IGSF9B: variants seen among roughly 807,000 people sequenced by gnomAD.
IGSF9B encodes the protein protein turtle homolog B.
Under a neutral mutation model 143.7 loss-of-function variants are expected in IGSF9B, and 48 were observed. That is an observed-to-expected ratio of 0.33 (90% CI 0.26 to 0.42). IGSF9B has a LOEUF of 0.42. Among genes scored for constraint, IGSF9B ranks in the 20% least tolerant of loss-of-function variants. The probability of loss-of-function intolerance (pLI) is 1.00; values close to 1 mark genes in which losing one functional copy is unlikely to be tolerated. For synonymous variants in IGSF9B, 903 were observed against 833.1 expected (o/e 1.08, Z -1.44); for missense variants, 1,706 against 1,980.0 (o/e 0.86, Z 2.63).
chr11:133,919,112 G>C (rs759338265), intron 18 of IGSF9B: 2 of 218,836 alleles, frequency 9.1e-6, no homozygotes, highest in Non-Finnish European at 1.8e-5. Flanking sequence ...CTTCCTGCGA[G>C]GTATACGGGG....
At chr11:133,950,905 A>G (rs1228950125) in intron 1 of IGSF9B, among the ~76,000 whole-genome samples, 1 of 151,908 alleles carries the variant, frequency 6.6e-6, no homozygotes, top group Non-Finnish European at 1.5e-5. Context: ...TGGGCACCAG[A>G]CTTCCAAACC....
In IGSF9B at chr11:133,907,263, G is replaced by C. The variant is rs1036560979; in HGVS notation, c.*1806C>G. The stretch of plus-strand genomic sequence containing the variant: ...GAAAGGAAGGACCAGGGCCGGTGTG[G>C]CACAGAAGAAGTCCATCCCCTAAGA... On this transcript the variant is annotated 3_prime_UTR_variant, in exon 20 of 20. Transcript: ENST00000533871. Among the ~76,000 whole-genome samples the C allele has an allele frequency of 6.6e-6, 1 of 152,208 alleles. No individual in the cohort carries two copies. Among genetic ancestry groups the C allele is most frequent in the African/African-American group, 2.4e-5 (1 of 41,458 alleles).
rs375067578 is a variant in IGSF9B at position 133,920,780 on chromosome 11, G to C, written c.2945C>G (p.Pro982Arg). The C allele has an allele frequency of 6.2e-7, 1 of 1,610,450 alleles. No individual in the cohort carries two copies. Residue 982 changes from proline to arginine, a missense_variant, in exon 18 of 20, where the codon CCG becomes CGG. By Grantham distance (103) the Pro-to-Arg change is moderately radical. This residue lies in a region of IGSF9B where 880 missense variants were observed against 762.9 expected (regional missense o/e 1.15). Coordinates refer to ENST00000533871, the MANE Select transcript of IGSF9B (RefSeq NM_001277285.4). ...GCTGCCCACTTCTGGCACGTAGAAC[G>C]GGGGCGGCTCCACCTCCCCAGGGCT... ...SSSPGEVEPPPFYVPEVGSPL... is the reference protein window; with the variant it reads ...SSSPGEVEPPRFYVPEVGSPL...
At chr11:133,943,050 C>G (rs1044349271) in intron 3 of IGSF9B, among the ~76,000 whole-genome samples, 3 of 152,178 alleles carry the variant, frequency 2.0e-5, no homozygotes, top group Non-Finnish European at 4.4e-5. Flanking sequence ...CCAGCCCCCC[C>G]AGGCAGGGCA....
At position 133,920,188 on chromosome 11, in the gene IGSF9B, AGGCCGG is replaced by A; in HGVS notation, c.3531_3536del (p.Arg1178_Pro1179del). 5.3e-6 allele frequency: 8 copies of A among 1,509,624 alleles called. No homozygotes were observed. Among genetic ancestry groups the A allele is most frequent in the Non-Finnish European group, 7.1e-6 (8 of 1,129,424 alleles). The allele number at this position is 1,509,624 out of a possible 1,614,324, so 93.5% of individuals were successfully genotyped here. A position where few individuals can be genotyped will look rare whatever the true frequency, so the allele number is the denominator to read the frequency against. On this transcript the variant is annotated inframe_deletion, in exon 18 of 20. Transcript: ENST00000533871. ...CGGCGCGCCTGGCCTGCCGAGGGCTAGGCCGGGGCCGGGGCTGGGGCTCATACCACC... is the reference window on the plus strand; with the variant it reads ...CGGCGCGCCTGGCCTGCCGAGGGCTAGGCCGGGGCTGGGGCTCATACCACC...
At chr11:133,926,802 TG>T in intron 13 of IGSF9B, 113 bp downstream of exon 13, 2 of 841,428 alleles carry the variant, frequency 2.4e-6, no homozygotes, top group Non-Finnish European at 3.7e-6. Context: ...CACGGCTCTG[TG>T]GAGCACTCAG....
intron 1 of IGSF9B, among the ~76,000 whole-genome samples, chr11:133,954,639 A>G (rs1383380644): frequency 6.6e-6 from 1 of 152,206 alleles, no homozygotes; most frequent in Non-Finnish European, 1.5e-5. Context: ...CACATTTTCT[A>G]TTGAAGCAAG....
rs765242652 is a variant in IGSF9B, at chr11:133,909,951, G to A, written c.4106-674C>T. Among the ~76,000 whole-genome samples, 2 of 152,232 alleles carry A rather than the reference G, an allele frequency of 1.3e-5. No individual in the cohort carries two copies. The highest frequency in any genetic ancestry group is 2.9e-5 in the Non-Finnish European group (2 of 68,032). On this transcript the variant is annotated intron_variant, in intron 19 of 19. Coordinates refer to ENST00000533871, the MANE Select transcript of IGSF9B (RefSeq NM_001277285.4). This position sits in a 1 kb window ranked among gnomAD's most constrained non-coding sequence, Gnocchi z 4.2. Reference sequence around the variant, plus strand: ...TCCTTAAAGGGTTAACACTTGAATTGCATCTTAAATTATGAGCCTTCCACA... The same window carrying A: ...TCCTTAAAGGGTTAACACTTGAATTACATCTTAAATTATGAGCCTTCCACA...
At chr11:133,942,056 C>T (rs982589502) in intron 3 of IGSF9B, among the ~76,000 whole-genome samples, 2 of 152,168 alleles carry the variant, frequency 1.3e-5, no homozygotes, top group African/African-American at 4.8e-5. Context: ...AACTATGTTT[C>T]GAATGGATAA....
chr11:133,954,186 C>T (rs977331983), intron 1 of IGSF9B, among the ~76,000 whole-genome samples: 18 of 152,134 alleles, frequency 1.2e-4, no homozygotes, highest in African/African-American at 4.3e-4. Flanking sequence ...CTCACACGAG[C>T]GGGCGCCCAC....
chr11:133,902,196 CACACCACAAGCAT>C lies in IGSF9B; in HGVS notation c.*6860_*6872del, dbSNP rs1275930415. Among the ~76,000 whole-genome samples the C allele has an allele frequency of 6.9e-6, 1 of 145,158 alleles. No homozygotes were observed. Among genetic ancestry groups the C allele is most frequent in the Non-Finnish European group, 1.5e-5 (1 of 66,352 alleles). ...ACACACACACACCAAACACACCAGA[CACACCACAAGCAT>C]ACACCACACGCAACATACACACACC... On this transcript the variant is annotated 3_prime_UTR_variant, in exon 20 of 20. Transcript: ENST00000533871.
intron 18 of IGSF9B, among the ~76,000 whole-genome samples, chr11:133,918,802 C>CAGAG (rs34060525): frequency 3.9e-4 from 58 of 148,082 alleles, no homozygotes; most frequent in South Asian, 2.7e-3. Context: ...AGGACGGAGC[C>CAGAG]AGAGAGAGAG....
chr11:133,919,123 G>C (rs780558285), intron 18 of IGSF9B: 16 of 370,098 alleles, frequency 4.3e-5, no homozygotes, highest in African/African-American at 3.3e-4. Context: ...GTATACGGGG[G>C]GGGGGTGGGG....
Position 133,908,239 on chromosome 11 carries a change from G to A in IGSF9B, c.*830C>T, listed in dbSNP as rs1377722547. 6.6e-6 allele frequency among the ~76,000 whole-genome samples: 1 copy of A among 152,174 alleles called. No individual in the cohort carries two copies. The highest frequency in any genetic ancestry group is 2.4e-5 in the African/African-American group (1 of 41,446). On this transcript the variant is annotated 3_prime_UTR_variant, in exon 20 of 20. Coordinates refer to ENST00000533871, the MANE Select transcript of IGSF9B (RefSeq NM_001277285.4). The stretch of plus-strand genomic sequence containing the variant: ...CGTGAGCCACGCTGGAAGGAAGAAA[G>A]ATGCAGGTCTAGGAGCCTGGCCACC...
intron 5 of IGSF9B, 86 bp from the exon 6 acceptor site, chr11:133,936,280 G>GGGCACCGCTTCCT: frequency 1.6e-6 from 2 of 1,288,182 alleles, no homozygotes; most frequent in Non-Finnish European, 1.1e-6. Flanking sequence ...CAGTGCCTCA[G>GGGCACCGCTTCCT]GAAGCGGTGC....
At chr11:133,927,126 G>C in intron 12 of IGSF9B, 35 bp from the exon 13 acceptor site, 1 of 1,509,112 alleles carries the variant, frequency 6.6e-7, no homozygotes. Context: ...AGGGGACGAG[G>C]GGCGGGGTGG....
In IGSF9B at chr11:133,937,377, T is replaced by G. The variant is rs771733376; in HGVS notation, c.678A>C (p.Gln226His). ...EAVHTTHLLV[Q>H]GPPFIVSPPE... ...AGAGGCTGAGGAAATGGCTCCTACC[T>G]TGGACAAGCAGGTGAGTCGTGTGGA... The change falls in exon 5 of 20, where the codon CAA becomes CAC. Residue 226 changes from glutamine (Q) to histidine (H), a missense_variant and splice_region_variant. Coordinates refer to ENST00000533871, the MANE Select transcript of IGSF9B (RefSeq NM_001277285.4). 1 of 1,608,202 alleles carries G rather than the reference T, an allele frequency of 6.2e-7. No homozygotes were observed. Among genetic ancestry groups the G allele is most frequent in the African/African-American group, 1.3e-5 (1 of 74,824 alleles).
intron 7 of IGSF9B, among the ~76,000 whole-genome samples, chr11:133,935,082 C>G (rs1939797911): frequency 6.6e-6 from 1 of 152,202 alleles, no homozygotes; most frequent in African/African-American, 2.4e-5. Context: ...TGAGGAGCAG[C>G]TCATTCATCT....
At chr11:133,940,434 A>T (rs1304436882) in intron 3 of IGSF9B, among the ~76,000 whole-genome samples, 30 of 140,792 alleles carry the variant, frequency 2.1e-4, no homozygotes, top group African/African-American at 7.3e-4. Context: ...CGCACGCGTC[A>T]TCACATGCAA....
Sources: gnomAD v4.1 joint callset for allele counts (sites outside exome capture counted in the v4.1 genomes callset) on GRCh38, gnomAD v4.1.1 for gene constraint, gnomAD v4.1.1 regional missense constraint, Gnocchi (gnomAD v3.1) non-coding constraint, MANE v1.5 for transcripts, NCBI Gene and HGNC (gene_info 2026-07-23, HGNC 2026-07-21) for gene names.